The following TMC1 variants were observed in gnomAD, a reference collection of about 807,000 sequenced individuals.
The protein encoded by TMC1 is transmembrane channel-like protein 1.
Under a neutral mutation model 105.8 loss-of-function variants are expected in TMC1, and 84 were observed. The ratio of observed to expected loss-of-function variants is 0.79; its 90% CI spans 0.67 to 0.95. The LOEUF (loss-of-function observed/expected upper bound fraction) is 0.95, where lower values mean the gene tolerates loss of function less well. Ranked by LOEUF, TMC1 falls within the 40% of genes least tolerant of loss-of-function variation. TMC1 has a pLI of 0.00. For missense variants in TMC1, 817 were observed against 914.1 expected, an observed-to-expected ratio of 0.89 and a Z score of 1.37; for synonymous variants, 315 against 311.5, an observed-to-expected ratio of 1.01 and a Z score of -0.12.
intron 1 of TMC1, among the ~76,000 whole-genome samples, chr9:72,546,540 G>T (rs116093133): frequency 0.047 from 7,160 of 152,192 alleles, 258 homozygotes; most frequent in African/African-American, 0.1. Context: ...TTCAAAATTT[G>T]CTTTGAAAAA....
chr9:72,768,769 C>T (rs1320378071), intron 12 of TMC1, among the ~76,000 whole-genome samples: 1 of 152,176 alleles, frequency 6.6e-6, no homozygotes, highest in Non-Finnish European at 1.5e-5. Flanking sequence ...ACCTAACAAG[C>T]TCACCAGATG....
intron 10 of TMC1, among the ~76,000 whole-genome samples, chr9:72,743,994 G>A (rs916910130): frequency 7.9e-5 from 12 of 152,148 alleles, no homozygotes; most frequent in Non-Finnish European, 1.6e-4. Flanking sequence ...TAAGTGTGGC[G>A]TTGTATAATT....
At chr9:72,533,198 C>G (rs1823527175) in intron 1 of TMC1, among the ~76,000 whole-genome samples, 2 of 152,122 alleles carry the variant, frequency 1.3e-5, no homozygotes, top group Admixed American at 1.3e-4. Context: ...ACACTGAGCC[C>G]CTTTTTGTGG....
At chr9:72,641,087 T>G (rs901011344) in intron 4 of TMC1, among the ~76,000 whole-genome samples, 3 of 152,018 alleles carry the variant, frequency 2.0e-5, no homozygotes, top group Non-Finnish European at 2.9e-5. Flanking sequence ...TATGTGGCAG[T>G]TTTATTTATT....
chr9:72,542,773 G>A (rs558498721), intron 1 of TMC1, among the ~76,000 whole-genome samples: 12 of 151,914 alleles, frequency 7.9e-5, no homozygotes, highest in Admixed American at 7.2e-4. Context: ...TCTGCCGCCC[G>A]GGTTCAAGCA....
At chr9:72,646,032 CAT>C (rs1485716692) in intron 4 of TMC1, among the ~76,000 whole-genome samples, 2 of 152,138 alleles carry the variant, frequency 1.3e-5, no homozygotes, top group African/African-American at 4.8e-5. Context: ...AGTCCTCTCA[CAT>C]ATATAAATTT....
At chr9:72,530,553 G>C (rs1372148553) in intron 1 of TMC1, among the ~76,000 whole-genome samples, 2 of 150,764 alleles carry the variant, frequency 1.3e-5, no homozygotes, top group Non-Finnish European at 2.9e-5. Context: ...TTGTGCCACT[G>C]CACTCCAGCC....
At chr9:72,605,156 G>A (rs1368921510) in intron 2 of TMC1, among the ~76,000 whole-genome samples, 3 of 152,230 alleles carry the variant, frequency 2.0e-5, no homozygotes, top group African/African-American at 4.8e-5. Context: ...CATGGATTCC[G>A]AAAGACAAAT....
At chr9:72,600,662 T>C (rs1241082073) in intron 2 of TMC1, among the ~76,000 whole-genome samples, 1 of 151,998 alleles carries the variant, frequency 6.6e-6, no homozygotes, top group Non-Finnish European at 1.5e-5. Context: ...TACAAAAAAG[T>C]CCCCATTTTC....
At chr9:72,553,563 A>G (rs1310950172) in intron 1 of TMC1, among the ~76,000 whole-genome samples, 1 of 152,188 alleles carries the variant, frequency 6.6e-6, no homozygotes, top group Non-Finnish European at 1.5e-5. Context: ...AAGCAGAATT[A>G]TACTGTAGTA....
At chr9:72,605,227 G>T (rs772365690) in intron 2 of TMC1, among the ~76,000 whole-genome samples, 4 of 152,138 alleles carry the variant, frequency 2.6e-5, no homozygotes, top group Admixed American at 6.5e-5. Flanking sequence ...ATCTATAGTT[G>T]CATAACAAAT....
At chr9:72,666,630 G>T (rs576514034) in intron 5 of TMC1, among the ~76,000 whole-genome samples, 1 of 152,298 alleles carries the variant, frequency 6.6e-6, no homozygotes, top group Non-Finnish European at 1.5e-5. Context: ...AACACTGACT[G>T]AGTGCCTATT....
In TMC1 at chr9:72,751,913, T is replaced by C. The variant is rs750662616; in HGVS notation, c.599T>C (p.Met200Thr). Reference sequence around the variant, plus strand: ...TTGAGATGGATGTATGGAGTCAATATGGTTCTCTTTATCCTGACATTTAGC... The same window carrying C: ...TTGAGATGGATGTATGGAGTCAATACGGTTCTCTTTATCCTGACATTTAGC... The part of the protein sequence containing the change: ...LFLRWMYGVN[M>T]VLFILTFSLI... Residue 200 changes from methionine to threonine, a missense_variant, in exon 11 of 24, where the codon ATG (methionine) becomes ACG (threonine). Transcript: ENST00000297784. The C allele has an allele frequency of 8.1e-6, 13 of 1,613,744 alleles. No homozygotes were observed. The highest frequency in any genetic ancestry group is 1.1e-5 in the Non-Finnish European group (13 of 1,179,746).
intron 6 of TMC1, among the ~76,000 whole-genome samples, chr9:72,693,113 G>C (rs1826493855): frequency 8.3e-6 from 1 of 121,070 alleles, no homozygotes; most frequent in African/African-American, 3.8e-5. Context: ...GAACAAAATT[G>C]TGTCTCAAAA....
At chr9:72,626,667 G>C (rs1170975549) in intron 3 of TMC1, among the ~76,000 whole-genome samples, 1 of 152,158 alleles carries the variant, frequency 6.6e-6, no homozygotes, top group Non-Finnish European at 1.5e-5. Flanking sequence ...GCTATGGAGA[G>C]AGATGGAGTA....
At chr9:72,830,407 A>C in intron 21 of TMC1, 44 bp from the exon 22 acceptor site, 1 of 1,321,752 alleles carries the variant, frequency 7.6e-7, no homozygotes, top group Non-Finnish European at 1.1e-6. Flanking sequence ...ATCTTGGGGA[A>C]CTGAAATATA....
chr9:72,666,483 C>A, intron 5 of TMC1, among the ~76,000 whole-genome samples: 1 of 152,152 alleles, frequency 6.6e-6, no homozygotes, highest in East Asian at 1.9e-4. Context: ...ATTTCCTATA[C>A]TAACCAAAAG....
At chr9:72,786,247 A>G (rs976847455) in intron 13 of TMC1, among the ~76,000 whole-genome samples, 2 of 152,188 alleles carry the variant, frequency 1.3e-5, no homozygotes, top group Non-Finnish European at 2.9e-5. Context: ...TATCGAGACA[A>G]TCCTGGCTAA....
chr9:72,649,656 G>A (rs891080190), intron 5 of TMC1, among the ~76,000 whole-genome samples: 2 of 151,878 alleles, frequency 1.3e-5, no homozygotes, highest in African/African-American at 2.4e-5. Context: ...CTTCTTATGA[G>A]GCTCTACACA....
Sources: allele counts gnomAD v4.1 joint callset (sites outside exome capture counted in the v4.1 genomes callset), GRCh38; gene constraint gnomAD v4.1.1; transcripts MANE v1.5; gene names NCBI Gene and HGNC (gene_info 2026-07-23, HGNC 2026-07-21).